Variants in SANBR observed in about 807,000 individuals in gnomAD.
SANBR encodes the protein SANT and BTB domain regulator of CSR.
A neutral mutation model predicts 101.8 loss-of-function variants in SANBR; 77 were observed. The ratio of observed to expected loss-of-function variants is 0.76; its 90% CI spans 0.63 to 0.91. The LOEUF (loss-of-function observed/expected upper bound fraction) is 0.91, where lower values mean the gene tolerates loss of function less well. Ranked by LOEUF, SANBR falls within the 40% of genes least tolerant of loss-of-function variation. SANBR has a pLI of 0.00. For synonymous variants in SANBR, 279 were observed against 274.7 expected (o/e 1.02, Z -0.15); for missense variants, 875 against 853.0 (o/e 1.03, Z -0.32).
At chr2:61,079,862 T>C (rs1362823499) in intron 6 of SANBR, among the ~76,000 whole-genome samples, 1 of 150,848 alleles carries the variant, frequency 6.6e-6, no homozygotes, top group East Asian at 1.9e-4. Flanking sequence ...ATTGCGCCAC[T>C]GCACTCCAGC....
chr2:61,103,400 A>G (rs1168540492), intron 12 of SANBR, among the ~76,000 whole-genome samples: 2 of 152,160 alleles, frequency 1.3e-5, no homozygotes, highest in African/African-American at 2.4e-5. Flanking sequence ...TGGCCTCCCA[A>G]AGTGCTGGGA....
intron 16 of SANBR, among the ~76,000 whole-genome samples, chr2:61,114,162 A>C (rs1683965123): frequency 6.6e-6 from 1 of 152,144 alleles, no homozygotes; most frequent in South Asian, 2.1e-4. Context: ...AATAACTTAC[A>C]CTGACACAGA....
intron 14 of SANBR, among the ~76,000 whole-genome samples, chr2:61,107,857 G>A (rs887918516): frequency 1.3e-5 from 2 of 151,314 alleles, no homozygotes; most frequent in Admixed American, 1.3e-4. Flanking sequence ...CTGCACTCCA[G>A]CCTGGGTGAC....
At chr2:61,126,923 G>A (rs995306137), downstream of SANBR, among the ~76,000 whole-genome samples, 1 of 151,956 alleles carries the variant, frequency 6.6e-6, no homozygotes, top group East Asian at 1.9e-4. Context: ...AGCCATTCCC[G>A]CTGTCTAGAA....
intron 10 of SANBR, among the ~76,000 whole-genome samples, chr2:61,090,076 G>C (rs967443704): frequency 2.0e-5 from 3 of 152,136 alleles, no homozygotes; most frequent in African/African-American, 7.2e-5. Flanking sequence ...TTTGATCCCA[G>C]GAGTTTGAGG....
Position 61,077,078 on chromosome 2 carries a change from A to C in SANBR, c.590A>C (p.Asp197Ala). 6.2e-7 allele frequency: 1 copy of C among 1,614,162 alleles called. No homozygotes were observed. Among genetic ancestry groups the C allele is most frequent in the African/African-American group, 1.3e-5 (1 of 75,064 alleles). ...GAGGTGGACATTTCAGTTCATTGCG[A>C]CGTTCACATTTTCAACTGGTTGATA... ...WEEVDISVHCDVHIFNWLIKY... is the reference protein window; with the variant it reads ...WEEVDISVHCAVHIFNWLIKY... Residue 197 changes from aspartate (D) to alanine (A), a missense_variant, in exon 6 of 22, where the codon GAC becomes GCC. Physicochemically the swap from Asp to Ala is moderately radical, Grantham distance 126 (BLOSUM62 -2). Coordinates refer to ENST00000402291, the MANE Select transcript of SANBR (RefSeq NM_001129993.3).
At chr2:61,088,543 G>C (rs761197792) in intron 10 of SANBR, 75 bp downstream of exon 10, 1 of 964,678 alleles carries the variant, frequency 1.0e-6, no homozygotes, top group South Asian at 2.1e-5. Context: ...TTTTGGAGAC[G>C]GAGTCTTACT....
chr2:61,103,903 C>G lies in SANBR; in HGVS notation c.1416C>G (p.Gly472=). 2 of 1,614,088 alleles carry G rather than the reference C, an allele frequency of 1.2e-6. No individual in the cohort carries two copies. The highest frequency in any genetic ancestry group is 8.5e-7 in the Non-Finnish European group (1 of 1,179,970). ...TTACACTTCGTGATCAAGGTGAAGG[C>G]GGAGATTTGCCGTCCTGTCCCACTG... ...HMVTLRDQGE[G]GDLPSCPTAR... is the part of the protein sequence containing the mutation. The change falls in exon 13 of 22, where the codon GGC becomes GGG. Residue 472 remains glycine (G), a synonymous_variant. Coordinates refer to ENST00000402291, the MANE Select transcript of SANBR (RefSeq NM_001129993.3).
intron 15 of SANBR, 126 bp from the exon 16 acceptor site, chr2:61,109,071 G>T (rs1683698644): frequency 2.2e-6 from 1 of 455,174 alleles, no homozygotes; most frequent in Non-Finnish European, 3.9e-6. Context: ...TATTGTGCTA[G>T]CCAGAGGTTA....
Position 61,077,190 on chromosome 2 carries a change from G to A in SANBR, c.670+32G>A, listed in dbSNP as rs1168234248. 2.0e-6 allele frequency: 3 copies of A among 1,483,128 alleles called. No homozygotes were observed. In the South Asian group the frequency reaches 3.5e-5, roughly 17 times the overall value. 91.9% of individuals were successfully genotyped at this position (1,483,128 alleles called of 1,614,324 possible). On this transcript the variant is annotated intron_variant, in intron 6 of 21. Coordinates refer to ENST00000402291, the MANE Select transcript of SANBR (RefSeq NM_001129993.3). ...AACAATCTGTTGCTTAATTTGTAGT[G>A]AAATTTGTGTGTCACCTGGTAGTTT...
intron 13 of SANBR, 59 bp from the exon 14 acceptor site, chr2:61,106,504 C>A (rs1573644617): frequency 1.8e-6 from 2 of 1,117,026 alleles, no homozygotes; most frequent in Admixed American, 2.2e-5. Flanking sequence ...AAAAGATATT[C>A]ACATTTAAAT....
Position 61,123,352 on chromosome 2 carries a change from T to TA in SANBR, c.*1191dup. 2.1e-6 allele frequency: 2 copies of TA among 975,470 alleles called. No homozygotes were observed. Among genetic ancestry groups the TA allele is most frequent in the Non-Finnish European group, 1.2e-6 (1 of 820,752 alleles). The allele number at this position is 975,470 out of a possible 1,614,324, so 60.4% of individuals were successfully genotyped here. On this transcript the variant is annotated 3_prime_UTR_variant, in exon 22 of 22. Transcript: ENST00000402291. ...AATTTCCATTGAAATATTGAAGTGT[T>TA]ACACTCAGTTTACACGTACAGAAAT... is the stretch of plus-strand genomic sequence containing the variant.
downstream of SANBR, among the ~76,000 whole-genome samples, chr2:61,126,030 C>G (rs188768364): frequency 6.6e-6 from 1 of 152,188 alleles, no homozygotes; most frequent in Non-Finnish European, 1.5e-5. Flanking sequence ...TAGTTTCAGG[C>G]TTGTTTACTC....
intron 14 of SANBR, among the ~76,000 whole-genome samples, chr2:61,106,926 A>T (rs889369387): frequency 6.6e-6 from 1 of 152,144 alleles, no homozygotes; most frequent in African/African-American, 2.4e-5. Context: ...GCACTTTGGG[A>T]GGTTGAGGCA....
intron 12 of SANBR, among the ~76,000 whole-genome samples, chr2:61,099,384 T>G (rs551936942): frequency 9.2e-5 from 14 of 152,246 alleles, no homozygotes; most frequent in East Asian, 1.9e-4. Flanking sequence ...ATTTAAGAGA[T>G]AAAACTGAAA....
chr2:61,107,666 G>A (rs1321578517), intron 14 of SANBR, among the ~76,000 whole-genome samples: 1 of 152,116 alleles, frequency 6.6e-6, no homozygotes, highest in Admixed American at 6.6e-5. Flanking sequence ...CACTTTGGGA[G>A]GCTGAGATCA....
chr2:61,089,268 T>C, intron 10 of SANBR: 1 of 849,340 alleles, frequency 1.2e-6, no homozygotes, highest in Non-Finnish European at 1.4e-6. Context: ...CCCAGCACTT[T>C]GGGAGGCCAA....
At chr2:61,090,123 C>G (rs2104896786) in intron 10 of SANBR, among the ~76,000 whole-genome samples, 1 of 152,202 alleles carries the variant, frequency 6.6e-6, no homozygotes, top group African/African-American at 2.4e-5. Context: ...GAACTGCAGT[C>G]TGGACAACAG....
intron 10 of SANBR, 105 bp from the exon 11 acceptor site, chr2:61,092,359 G>A: frequency 4.8e-6 from 4 of 838,226 alleles, no homozygotes; most frequent in Non-Finnish European, 6.6e-6. Context: ...ACTCCAGCCT[G>A]GGCAACAAGA....
Sources: allele counts gnomAD v4.1 joint callset (sites outside exome capture counted in the v4.1 genomes callset), GRCh38; gene constraint gnomAD v4.1.1; transcripts MANE v1.5; gene names NCBI Gene and HGNC (gene_info 2026-07-23, HGNC 2026-07-21).